The following VOPP1 variants were observed in gnomAD, a reference collection of about 807,000 sequenced individuals.
VOPP1 encodes the protein VOPP1 WW domain binding protein.
A neutral mutation model predicts 23.5 loss-of-function variants in VOPP1; 8 were observed. The observed-to-expected ratio is 0.34, with a 90% CI of 0.20 to 0.61. The LOEUF (loss-of-function observed/expected upper bound fraction) is 0.61, where lower values mean the gene tolerates loss of function less well. VOPP1 is among the 20% of genes least tolerant of loss of function. The pLI is 0.78. For synonymous variants in VOPP1, 83 were observed against 97.3 expected (o/e 0.85, Z 0.86); for missense variants, 174 against 238.1 (o/e 0.73, Z 1.77).
At chr7:55,516,932 A>ATTT (rs71031862) in intron 2 of VOPP1, among the ~76,000 whole-genome samples, 2 of 45,160 alleles carry the variant, frequency 4.4e-5, no homozygotes, top group African/African-American at 2.4e-4. Context: ...ATATATATAT[A>ATTT]TTTTTTTTTT....
chr7:55,458,679 ATTTC>A (rs1054604994), intron 4 of VOPP1, among the ~76,000 whole-genome samples: 3 of 151,834 alleles, frequency 2.0e-5, no homozygotes, highest in Non-Finnish European at 2.9e-5. Context: ...TGTCTTCCTG[ATTTC>A]TTTTTCAGCT....
chr7:55,465,867 T>G (rs756366189), downstream of VOPP1, among the ~76,000 whole-genome samples: 20 of 152,206 alleles, frequency 1.3e-4, no homozygotes, highest in Non-Finnish European at 2.5e-4. Context: ...ATCTACTCTG[T>G]GCTCTCATTC....
intron 1 of VOPP1, among the ~76,000 whole-genome samples, chr7:55,548,993 G>A (rs1490361227): frequency 2.6e-5 from 4 of 152,144 alleles, no homozygotes; most frequent in African/African-American, 4.8e-5. Flanking sequence ...CTGGAGGCAC[G>A]GGGCCTGAGG....
intron 4 of VOPP1, among the ~76,000 whole-genome samples, chr7:55,483,106 G>C (rs1361119876): frequency 6.6e-6 from 1 of 152,164 alleles, no homozygotes; most frequent in East Asian, 1.9e-4. Context: ...TCTTAATGCT[G>C]AACTTGTATG....
At chr7:55,518,788 T>C (rs1795641345) in intron 2 of VOPP1, among the ~76,000 whole-genome samples, 1 of 143,594 alleles carries the variant, frequency 7.0e-6, no homozygotes, top group African/African-American at 2.7e-5. Context: ...GACGCTCTCT[T>C]GAAAGTCTAC....
At chr7:55,493,691 AG>A (rs1793741566) in intron 3 of VOPP1, among the ~76,000 whole-genome samples, 1 of 152,182 alleles carries the variant, frequency 6.6e-6, no homozygotes, top group Admixed American at 6.5e-5. Context: ...TAGACAGGTG[AG>A]GGGCCCCCCG....
At chr7:55,498,591 A>G (rs1349734745) in intron 2 of VOPP1, among the ~76,000 whole-genome samples, 1 of 152,166 alleles carries the variant, frequency 6.6e-6, no homozygotes, top group Non-Finnish European at 1.5e-5. Context: ...CCAAGCAGCA[A>G]TGGATTGGCA....
intron 3 of VOPP1, among the ~76,000 whole-genome samples, chr7:55,496,671 C>CCT (rs1393085900): frequency 1.3e-5 from 2 of 152,156 alleles, no homozygotes; most frequent in Non-Finnish European, 2.9e-5. Context: ...GTCCCCACTC[C>CCT]CTATAGGCTT....
chr7:55,495,375 C>T (rs920077848), intron 3 of VOPP1, among the ~76,000 whole-genome samples: 5 of 152,212 alleles, frequency 3.3e-5, no homozygotes, highest in Non-Finnish European at 5.9e-5. Context: ...CACCTTCAAA[C>T]GTTGTGGGGC....
intron 4 of VOPP1, among the ~76,000 whole-genome samples, chr7:55,442,455 G>A (rs975732335): frequency 2.0e-5 from 3 of 152,208 alleles, no homozygotes; most frequent in African/African-American, 4.8e-5. Flanking sequence ...CTATATATTC[G>A]TGTCTTATAG....
intron 4 of VOPP1, among the ~76,000 whole-genome samples, chr7:55,448,380 T>G (rs766200502): frequency 9.9e-5 from 15 of 152,140 alleles, no homozygotes; most frequent in Non-Finnish European, 1.6e-4. Flanking sequence ...GGGATAATAA[T>G]GGGAGTGCAA....
At chr7:55,441,439 G>A (rs1282880052) in intron 4 of VOPP1, among the ~76,000 whole-genome samples, 1 of 152,226 alleles carries the variant, frequency 6.6e-6, no homozygotes, top group African/African-American at 2.4e-5. Flanking sequence ...AGGTGAGGGT[G>A]TGATTCACTC....
Position 55,497,593 on chromosome 7 carries a change from AAGG to A in VOPP1, c.191+17_191+19del, listed in dbSNP as rs372325187. On this transcript the variant is annotated intron_variant, in intron 3 of 4. Transcript: ENST00000285279. ...GGGCAGAGCTCTCGGGGTAGGGAAC[AAGG>A]AGGAGTTGTGACCTACCAGAAGTAC... 0.012 allele frequency: 19,173 copies of A among 1,545,992 alleles called. 170 individuals carry two copies. Among genetic ancestry groups the A allele is most frequent in the Middle Eastern group, 0.02 (107 of 5,236 alleles).
chr7:55,536,357 C>T (rs544754012), intron 1 of VOPP1, among the ~76,000 whole-genome samples: 2 of 152,112 alleles, frequency 1.3e-5, no homozygotes, highest in Admixed American at 6.5e-5. Flanking sequence ...GGTGAAACCC[C>T]GTCTCTACTA....
chr7:55,540,404 A>AATAG (rs1797072624), intron 1 of VOPP1, among the ~76,000 whole-genome samples: 1 of 20,982 alleles, frequency 4.8e-5, no homozygotes, highest in Non-Finnish European at 1.5e-4. Context: ...CTCAAAAATA[A>AATAG]ATAAATAAAT....
chr7:55,473,445 A>G (rs1015895240), intron 4 of VOPP1, among the ~76,000 whole-genome samples: 1 of 152,188 alleles, frequency 6.6e-6, no homozygotes, highest in African/African-American at 2.4e-5. Flanking sequence ...CCATTTCTGA[A>G]GTAAGGTCTC....
chr7:55,521,107 G>A lies in VOPP1; in HGVS notation c.78C>T (p.Cys26=), dbSNP rs1795819735. The A allele has an allele frequency of 1.3e-6, 2 of 1,583,704 alleles. No individual in the cohort carries two copies. Among genetic ancestry groups the A allele is most frequent in the East Asian group, 2.3e-5 (1 of 43,946 alleles). Residue 26 remains cysteine (C), a synonymous_variant, in exon 2 of 5, where the codon TGC becomes TGT. Transcript: ENST00000285279. ...LLECTEAKKH[C]WYFEGLYPTY... ...TTGGATAGAGTCCTTCGAAATACCAGCAATGCTTTTTGGCTTCTGTGCACT... is the reference window on the plus strand; with the variant it reads ...TTGGATAGAGTCCTTCGAAATACCAACAATGCTTTTTGGCTTCTGTGCACT...
chr7:55,462,377 GTA>G (rs1477211528), intron 4 of VOPP1, among the ~76,000 whole-genome samples: 1 of 152,106 alleles, frequency 6.6e-6, no homozygotes, highest in Non-Finnish European at 1.5e-5. Flanking sequence ...TAAGCTTCCT[GTA>G]TCTGGATGTC....
At chr7:55,557,804 G>A (rs569738223) in intron 1 of VOPP1, among the ~76,000 whole-genome samples, 1 of 152,272 alleles carries the variant, frequency 6.6e-6, no homozygotes, top group African/African-American at 2.4e-5. Context: ...TGGCAGAATG[G>A]AAGGTGGAGC....
Sources: allele counts gnomAD v4.1 joint callset (sites outside exome capture counted in the v4.1 genomes callset), GRCh38; gene constraint gnomAD v4.1.1; transcripts MANE v1.5; gene names NCBI Gene and HGNC (gene_info 2026-07-23, HGNC 2026-07-21).